The following NBEA variants were observed in gnomAD, a reference collection of about 807,000 sequenced individuals.
The protein encoded by NBEA is neurobeachin.
A neutral mutation model predicts 343.4 loss-of-function variants in NBEA; 44 were observed. The ratio of observed to expected loss-of-function variants is 0.13; its 90% CI spans 0.10 to 0.16. NBEA has a LOEUF of 0.16. NBEA is among the 10% of genes least tolerant of loss of function. The pLI is 1.00. For synonymous variants in NBEA, 1,175 were observed against 1,238.7 expected (o/e 0.95, Z 1.08); for missense variants, 2,555 against 3,631.3 (o/e 0.70, Z 7.62).
rs528658394 is a variant in NBEA, at chr13:35,383,664, C to G, written c.6179+31341C>G. On this transcript the variant is annotated intron_variant, in intron 38 of 58. Transcript: ENST00000379939. ...CCTCCTAGCCCAGAGACAACAGTCA[C>G]TACACAGGATCTATTGGACGTAGCT... Among the ~76,000 whole-genome samples the G allele has an allele frequency of 4.3e-4, 65 of 152,050 alleles. 1 individual carries two copies. Among genetic ancestry groups the G allele is most frequent in the Middle Eastern group, 3.4e-3 (1 of 294 alleles).
rs115333759 is a variant in NBEA, at chr13:35,617,802, C to G, written c.7450-10279C>G. ...TACTGATCTCTTGCAGAAATAATGT[C>G]AGATATCTGTGTTAAAACTAAAAAG... On this transcript the variant is annotated intron_variant, in intron 48 of 58. Transcript: ENST00000379939. Among the ~76,000 whole-genome samples the G allele has an allele frequency of 3.7e-3, 558 of 152,294 alleles. 1 individual carries two copies. The highest frequency in any genetic ancestry group is 0.013 in the African/African-American group (530 of 41,560).
intron 38 of NBEA, among the ~76,000 whole-genome samples, chr13:35,358,720 A>AG: frequency 6.6e-6 from 1 of 152,162 alleles, no homozygotes; most frequent in Middle Eastern, 3.4e-3. Context: ...TCTGTCTCAA[A>AG]AAAAAAAATT....
intron 41 of NBEA, among the ~76,000 whole-genome samples, chr13:35,511,039 A>G (rs570431903): frequency 6.6e-6 from 1 of 152,214 alleles, no homozygotes; most frequent in South Asian, 2.1e-4. Context: ...ATGGTGGATT[A>G]TAAGTACATC....
intron 36 of NBEA, among the ~76,000 whole-genome samples, chr13:35,318,743 G>T (rs922551854): frequency 6.6e-6 from 1 of 151,916 alleles, no homozygotes; most frequent in Non-Finnish European, 1.5e-5. Context: ...GGCTTTTTTT[G>T]TTGTTGTTGG....
At chr13:35,000,610 A>ACAC (rs2061098731) in intron 1 of NBEA, among the ~76,000 whole-genome samples, 1 of 150,816 alleles carries the variant, frequency 6.6e-6, no homozygotes, top group African/African-American at 2.4e-5. Flanking sequence ...ACACACACAC[A>ACAC]CACGTTTTAA....
chr13:35,130,679 A>T (rs569755709), intron 17 of NBEA, among the ~76,000 whole-genome samples: 1 of 152,092 alleles, frequency 6.6e-6, no homozygotes, highest in African/African-American at 2.4e-5. Context: ...ATTTGAAAAA[A>T]AAAATCCATT....
At chr13:35,600,318 C>T (rs781629180) in intron 47 of NBEA, among the ~76,000 whole-genome samples, 20 of 152,184 alleles carry the variant, frequency 1.3e-4, no homozygotes, top group Non-Finnish European at 2.2e-4. Flanking sequence ...CCCACACGCA[C>T]GTCTCTCTGG....
At chr13:35,231,090 C>T (rs2074946688) in intron 33 of NBEA, among the ~76,000 whole-genome samples, 1 of 152,164 alleles carries the variant, frequency 6.6e-6, no homozygotes, top group East Asian at 1.9e-4. Flanking sequence ...GAAAATGTTC[C>T]TCCAGAATTT....
At chr13:35,633,385 A>G (rs1052475516) in intron 49 of NBEA, among the ~76,000 whole-genome samples, 1 of 150,240 alleles carries the variant, frequency 6.7e-6, no homozygotes, top group East Asian at 2.1e-4. Flanking sequence ...TACAGGCGTG[A>G]GCCACCGCGC....
At chr13:35,580,952 A>G (rs2080998157) in intron 45 of NBEA, among the ~76,000 whole-genome samples, 1 of 152,222 alleles carries the variant, frequency 6.6e-6, no homozygotes, top group East Asian at 1.9e-4. Context: ...GAAGATTGAA[A>G]AAGATTAGAG....
At chr13:35,074,904 G>A (rs2064046031) in intron 10 of NBEA, among the ~76,000 whole-genome samples, 1 of 151,972 alleles carries the variant, frequency 6.6e-6, no homozygotes, top group South Asian at 2.1e-4. Flanking sequence ...TACATTAGAT[G>A]TACTCGTTCA....
intron 41 of NBEA, among the ~76,000 whole-genome samples, chr13:35,488,169 G>A (rs1392897712): frequency 6.6e-6 from 1 of 151,588 alleles, no homozygotes; most frequent in Non-Finnish European, 1.5e-5. Context: ...GAATCAATAG[G>A]CATAACAGTT....
chr13:35,339,982 G>T (rs920905154), intron 36 of NBEA, among the ~76,000 whole-genome samples: 1 of 152,110 alleles, frequency 6.6e-6, no homozygotes, highest in African/African-American at 2.4e-5. Context: ...AATAATGAGT[G>T]TTAGTAAGGA....
intron 14 of NBEA, 33 bp from the exon 15 acceptor site, chr13:35,118,195 A>T: frequency 7.7e-7 from 1 of 1,296,094 alleles, no homozygotes; most frequent in Non-Finnish European, 1.0e-6. Flanking sequence ...TTAATTTTAG[A>T]TGTAAAGTAA....
intron 16 of NBEA, among the ~76,000 whole-genome samples, chr13:35,120,582 TC>T (rs1408344593): frequency 6.6e-6 from 1 of 152,206 alleles, no homozygotes; most frequent in Non-Finnish European, 1.5e-5. Context: ...AAAATTCTAG[TC>T]TGTTGTAATT....
At chr13:35,380,793 C>T (rs948904655) in intron 38 of NBEA, among the ~76,000 whole-genome samples, 7 of 152,202 alleles carry the variant, frequency 4.6e-5, no homozygotes, top group South Asian at 2.1e-4. Flanking sequence ...GTAATGACTG[C>T]GGTCTCCAGT....
At chr13:35,482,094 T>G (rs2076140718) in intron 41 of NBEA, among the ~76,000 whole-genome samples, 1 of 151,774 alleles carries the variant, frequency 6.6e-6, no homozygotes, top group South Asian at 2.1e-4. Context: ...AAATAACCTT[T>G]CCTATTTTTA....
chr13:35,348,880 T>C (rs2040024896), intron 36 of NBEA, among the ~76,000 whole-genome samples: 1 of 152,038 alleles, frequency 6.6e-6, no homozygotes, highest in Non-Finnish European at 1.5e-5. Flanking sequence ...ATTAACTGAA[T>C]TGCTGATTAA....
At chr13:34,981,392 A>G (rs930773154) in intron 1 of NBEA, among the ~76,000 whole-genome samples, 2 of 152,234 alleles carry the variant, frequency 1.3e-5, no homozygotes, top group Non-Finnish European at 2.9e-5. Flanking sequence ...ATTTTCATAG[A>G]TACCTAGAAG....
Sources: allele counts gnomAD v4.1 joint callset (sites outside exome capture counted in the v4.1 genomes callset), GRCh38; gene constraint gnomAD v4.1.1; transcripts MANE v1.5; gene names NCBI Gene and HGNC (gene_info 2026-07-23, HGNC 2026-07-21).